The following DNAH2 variants were observed in gnomAD, a reference collection of about 807,000 sequenced individuals.
DNAH2 encodes axonemal beta dynein heavy chain 2.
A neutral mutation model predicts 523.5 loss-of-function variants in DNAH2; 323 were observed. The observed-to-expected ratio is 0.62, with a 90% confidence interval of 0.56 to 0.68. The LOEUF (loss-of-function observed/expected upper bound fraction) is 0.68. Ranked by LOEUF, DNAH2 falls within the 30% of genes least tolerant of loss-of-function variation. DNAH2 has a pLI of 0.00. For synonymous variants in DNAH2, 2,093 were observed against 2,177.4 expected, an observed-to-expected ratio of 0.96 and a Z score of 1.08; for missense variants, 4,907 against 5,701.5, an observed-to-expected ratio of 0.86 and a Z score of 4.49.
intron 63 of DNAH2, among the ~76,000 whole-genome samples, chr17:7,811,984 G>A (rs190831766): frequency 3.5e-4 from 53 of 152,212 alleles, no homozygotes; most frequent in African/African-American, 1.0e-3. Context: ...TCTTAATAAG[G>A]CATACACAAC....
At chr17:7,787,767 T>G in intron 42 of DNAH2, 93 bp from the exon 43 acceptor site, 1 of 1,408,500 alleles carries the variant, frequency 7.1e-7, no homozygotes, top group Non-Finnish European at 9.4e-7. Flanking sequence ...AAATCGTTTG[T>G]GAACTTGTAG....
chr17:7,731,239 C>G (rs993767457), intron 4 of DNAH2, among the ~76,000 whole-genome samples: 2 of 151,836 alleles, frequency 1.3e-5, no homozygotes, highest in South Asian at 2.1e-4. Flanking sequence ...GAGACATGAC[C>G]ATGTGTGATC....
At chr17:7,720,021 G>A in intron 2 of DNAH2, 121 bp downstream of exon 2, 1 of 1,241,176 alleles carries the variant, frequency 8.1e-7, no homozygotes, top group South Asian at 1.7e-5. Context: ...AACGGGCTAA[G>A]TGACGCCCCC....
At chr17:7,722,693 A>G (rs2074654671) in intron 2 of DNAH2, among the ~76,000 whole-genome samples, 1 of 152,084 alleles carries the variant, frequency 6.6e-6, no homozygotes, top group Non-Finnish European at 1.5e-5. Context: ...AGGATCATCC[A>G]TGTTGTAGCA....
Position 7,778,073 on chromosome 17 carries a change from C to G in DNAH2, c.5248-4C>G, listed in dbSNP as rs200272954. ...TCTCTCTTTTTCTGCGCTGTTTTCC[C>G]CAGGATCTTGATGACTGTGTCATCC... On this transcript the variant is annotated splice_polypyrimidine_tract_variant and splice_region_variant and intron_variant, in intron 33 of 85. Transcript: ENST00000572933. The G allele has an allele frequency of 9.7e-5, 156 of 1,612,582 alleles. 1 individual carries two copies. In the African/African-American group the frequency reaches 2.0e-3, roughly 20 times the overall value.
At position 7,819,214 on chromosome 17, in the gene DNAH2, C is replaced by T; in HGVS notation, c.10821C>T (p.Tyr3607=). Residue 3607 remains tyrosine (Y), a synonymous_variant, in exon 72 of 86, where the codon TAC becomes TAT. Transcript: ENST00000572933. ...CCACCCATCCCCACCGGCAGGCTTA[C>T]CGCCCATGCGCCCAGCGGGCATCAA... is the stretch of plus-strand genomic sequence containing the variant. ...EINTDLAREA[Y]RPCAQRASIL... is the part of the protein sequence containing the mutation. 6.2e-7 allele frequency: 1 copy of T among 1,613,596 alleles called. No individual in the cohort carries two copies. The highest frequency in any genetic ancestry group is 8.5e-7 in the Non-Finnish European group (1 of 1,180,040).
Position 7,737,712 on chromosome 17 carries a change from G to C in DNAH2, c.1170+454G>C, listed in dbSNP as rs192937656. ...CAAAGAGTGGGAGAAGGGACACTGA[G>C]CTGAGACCTTGCTGGGCAGGGTGGC... On this transcript the variant is annotated intron_variant, in intron 8 of 85. Transcript: ENST00000572933. 4.9e-4 allele frequency among the ~76,000 whole-genome samples: 75 copies of C among 152,324 alleles called. 1 individual carries two copies. Among genetic ancestry groups the C allele is most frequent in the Admixed American group, 4.9e-3 (75 of 15,292 alleles).
rs376582677 is a variant in DNAH2, at chr17:7,764,157, A to G, written c.3220A>G (p.Ser1074Gly). ...PPQTLEELGV[S>G]LQLVDALKHD... ...GCAGACACTGGAGGAACTGGGGGTCAGCTTGCAGCTCGTGGATGCCCTGAA... is the reference window on the plus strand; with the variant it reads ...GCAGACACTGGAGGAACTGGGGGTCGGCTTGCAGCTCGTGGATGCCCTGAA... Residue 1074 changes from serine (S) to glycine (G), a missense_variant, in exon 20 of 86, where the codon AGC (serine) becomes GGC (glycine). By Grantham distance (56) the Ser-to-Gly change is moderately conservative. This residue lies in a region of DNAH2 where 2,806 missense variants were observed against 3,190.8 expected (regional missense o/e 0.88). Transcript: ENST00000572933. The G allele has an allele frequency of 1.2e-6, 2 of 1,614,236 alleles. No homozygotes were observed.
Position 7,819,055 on chromosome 17 carries a change from G to C in DNAH2, c.10807G>C (p.Ala3603Pro), listed in dbSNP as rs1478300038. The change falls in exon 71 of 86, where the codon GCG (alanine) becomes CCG (proline). Residue 3603 changes from alanine (A) to proline (P), a missense_variant. Transcript: ENST00000572933. ...GACCACAGAGATCAACACTGACTTG[G>C]CGCGGGAGGTAAGCTCCCGGCCCTC... The part of the protein sequence containing the change: ...SETTEINTDL[A>P]REAYRPCAQR... 1 of 1,604,888 alleles carries C rather than the reference G, an allele frequency of 6.2e-7. No individual in the cohort carries two copies. Among genetic ancestry groups the C allele is most frequent in the Non-Finnish European group, 8.5e-7 (1 of 1,178,812 alleles).
At position 7,807,489 on chromosome 17, in the gene DNAH2, G is replaced by T. The variant is rs748261017; in HGVS notation, c.9632G>T (p.Arg3211Leu). The part of the protein sequence containing the change: ...RAMELYGRLY[R>L]VVEPKRIRMN... ...CCACAGCTGTATGGGCGGCTATATC[G>T]GGTGGTGGAGCCCAAGCGAATCCGA... Residue 3211 changes from arginine (R) to leucine (L), a missense_variant, in exon 63 of 86, where the codon CGG becomes CTG. Arg to Leu is a moderately radical substitution (Grantham distance 102). Around this residue, in one of 3 missense-constraint regions of DNAH2, gnomAD observed 1,851 missense variants for 2,139.4 expected, o/e 0.87. Transcript: ENST00000572933. The surrounding 1 kb of genome is among the most constrained non-coding windows in gnomAD (Gnocchi z 5.6). 3 of 1,613,462 alleles carry T rather than the reference G, an allele frequency of 1.9e-6. No individual in the cohort carries two copies. The highest frequency in any genetic ancestry group is 1.3e-5 in the African/African-American group (1 of 74,908).
chr17:7,750,026 G>A lies in DNAH2; in HGVS notation c.1904+6884G>A, dbSNP rs550385774. 6.6e-5 allele frequency among the ~76,000 whole-genome samples: 10 copies of A among 151,974 alleles called. No homozygotes were observed. The South Asian group carries it at 8.3e-4, about 13-fold the overall frequency. On this transcript the variant is annotated intron_variant, in intron 12 of 85. Transcript: ENST00000572933. The stretch of plus-strand genomic sequence containing the variant: ...AAAGAAAAATTACCTCATTATTATC[G>A]TTATTACTATTATTATTATTTGAGA...
In DNAH2 at chr17:7,718,118, C is replaced by T. The variant is rs2074476902; in HGVS notation, c.-696C>T. On this transcript the variant is annotated 5_prime_UTR_variant, in exon 1 of 86. Transcript: ENST00000572933. ...CTGGATTTATACTGCAGGATAAATA[C>T]TGCTGGCCCCTGCGGTATTTCCTAG... 2 of 152,194 alleles carry T rather than the reference C, an allele frequency of 1.3e-5. No homozygotes were observed. Among genetic ancestry groups the T allele is most frequent in the Non-Finnish European group, 2.9e-5 (2 of 68,044 alleles). 9.4% of individuals were successfully genotyped at this position (152,194 alleles called of 1,614,324 possible).
chr17:7,754,978 A>G lies in DNAH2; in HGVS notation c.1905-2113A>G. 1 of 423,462 alleles carries G rather than the reference A, an allele frequency of 2.4e-6. No individual in the cohort carries two copies. Among genetic ancestry groups the G allele is most frequent in the East Asian group, 3.6e-5 (1 of 27,456 alleles). The allele number at this position is 423,462 out of a possible 1,614,324, so 26.2% of individuals were successfully genotyped here. A position where few individuals can be genotyped will look rare whatever the true frequency, so the allele number is the denominator to read the frequency against. On this transcript the variant is annotated intron_variant, in intron 12 of 85. Coordinates refer to ENST00000572933, the MANE Select transcript of DNAH2 (RefSeq NM_020877.5). This position sits in a 1 kb window ranked among gnomAD's most constrained non-coding sequence, Gnocchi z 4.6. ...TAAGCCTGAGGCAGAAAAAAAAAAA[A>G]AAAGAATAGGCAGCCCAGGAAGAAG... is the stretch of plus-strand genomic sequence containing the variant.
At chr17:7,817,148 T>C (rs1004185759) in intron 64 of DNAH2, 142 bp from the exon 65 acceptor site, 2 of 1,153,726 alleles carry the variant, frequency 1.7e-6, no homozygotes, top group African/African-American at 3.1e-5. Context: ...CAGGCTAGAG[T>C]TGTCAGGACA....
intron 12 of DNAH2, among the ~76,000 whole-genome samples, chr17:7,749,334 A>AAAAAAAAAAAAAAAAAAAAAAG (rs2075616825): frequency 6.8e-6 from 1 of 145,996 alleles, no homozygotes; most frequent in East Asian, 2.0e-4. Context: ...AAAAAAAAAA[A>AAAAAAAAAAAAAAAAAAAAAAG]AAAAAAAAAA....
In DNAH2 at chr17:7,776,063, C is replaced by T. The variant is rs779210255; in HGVS notation, c.4861C>T (p.Leu1621=). Residue 1621 remains leucine (L), a synonymous_variant, in exon 31 of 86, where the codon CTG becomes TTG. Coordinates refer to ENST00000572933, the MANE Select transcript of DNAH2 (RefSeq NM_020877.5). ...GDVEQTMRVT[L]RDLLRNCHLA... is the part of the protein sequence containing the mutation. ...TGTGGAACAGACCATGAGGGTGACCCTGCGGGACCTTCTCCGGAACTGCCA... is the reference window on the plus strand; with the variant it reads ...TGTGGAACAGACCATGAGGGTGACCTTGCGGGACCTTCTCCGGAACTGCCA... 7.4e-6 allele frequency: 12 copies of T among 1,614,004 alleles called. No individual in the cohort carries two copies. The South Asian group carries it at 1.1e-4, about 15-fold the overall frequency.
chr17:7,777,950 A>G, intron 33 of DNAH2, 127 bp from the exon 34 acceptor site: 1 of 903,068 alleles, frequency 1.1e-6, no homozygotes, highest in East Asian at 2.6e-5. Flanking sequence ...TTTCAACTCT[A>G]AAAGGGAACC....
intron 48 of DNAH2, among the ~76,000 whole-genome samples, chr17:7,793,503 C>CT (rs879858866): frequency 7.4e-6 from 1 of 135,110 alleles, no homozygotes; most frequent in African/African-American, 2.6e-5. Context: ...TTCTTTCTTT[C>CT]TTTCTTTCTT....
In DNAH2 at chr17:7,796,669, C is replaced by T; in HGVS notation, c.7863+17C>T. ...ATCTCCAAGGTGACTCGCGGCCTGA[C>T]CTTGCCCCTTCTGCTTGGCCCAGCC... On this transcript the variant is annotated intron_variant, in intron 50 of 85. Transcript: ENST00000572933. 1 of 1,602,838 alleles carries T rather than the reference C, an allele frequency of 6.2e-7. No individual in the cohort carries two copies. The highest frequency in any genetic ancestry group is 8.5e-7 in the Non-Finnish European group (1 of 1,174,604).
Sources: allele counts gnomAD v4.1 joint callset (sites outside exome capture counted in the v4.1 genomes callset), GRCh38; gene constraint gnomAD v4.1.1; regional missense constraint gnomAD v4.1.1; non-coding constraint Gnocchi (gnomAD v3.1); transcripts MANE v1.5; gene names NCBI Gene and HGNC (gene_info 2026-07-23, HGNC 2026-07-21).